Variants in RBFOX1 observed in about 807,000 individuals in gnomAD.
RBFOX1 encodes the protein RNA binding fox-1 homolog 1.
RBFOX1 carries 8 observed loss-of-function variants against 57.7 expected under a neutral mutation model. The observed-to-expected ratio is 0.14, with a 90% confidence interval of 0.08 to 0.25. RBFOX1 has a LOEUF of 0.25. Among genes scored for constraint, RBFOX1 ranks in the 10% least tolerant of loss-of-function variants. RBFOX1 has a pLI of 1.00. For missense variants in RBFOX1, 611 were observed against 548.5 expected, an observed-to-expected ratio of 1.11 and a Z score of -1.14; for synonymous variants, 326 against 222.4, an observed-to-expected ratio of 1.47 and a Z score of -4.15.
At chr16:6,765,733 C>G (rs1236912354) in intron 3 of RBFOX1, among the ~76,000 whole-genome samples, 4 of 152,164 alleles carry the variant, frequency 2.6e-5, no homozygotes, top group African/African-American at 7.2e-5. Context: ...CAGAATCAGC[C>G]TTAGTGCCCA....
intron 3 of RBFOX1, chr16:6,723,794 A>T (rs1458637054): frequency 6.6e-6 from 1 of 151,802 alleles, no homozygotes; most frequent in African/African-American, 2.4e-5. Context: ...ACTTCTGGAG[A>T]GTCTTCCAGC....
chr16:5,674,470 G>A (rs543383705), intron 3 of RBFOX1, among the ~76,000 whole-genome samples: 1 of 152,174 alleles, frequency 6.6e-6, no homozygotes, highest in Non-Finnish European at 1.5e-5. Flanking sequence ...TCTCACGTTT[G>A]ACTCCAGAAT....
At chr16:5,588,702 C>G (rs2046910626) in intron 2 of RBFOX1, among the ~76,000 whole-genome samples, 1 of 152,128 alleles carries the variant, frequency 6.6e-6, no homozygotes, top group South Asian at 2.1e-4. Flanking sequence ...GCATGAACCA[C>G]TTTATATCCA....
intron 3 of RBFOX1, among the ~76,000 whole-genome samples, chr16:6,720,008 C>A (rs1392158949): frequency 6.6e-6 from 1 of 151,874 alleles, no homozygotes; most frequent in Non-Finnish European, 1.5e-5. Flanking sequence ...GCAGGAGAAT[C>A]GCTTGAACCT....
At chr16:6,451,939 C>G (rs746495669) in intron 2 of RBFOX1, among the ~76,000 whole-genome samples, 1 of 146,054 alleles carries the variant, frequency 6.8e-6, no homozygotes, top group South Asian at 2.3e-4. Context: ...CATGACCCCT[C>G]CCTCCCATGA....
chr16:6,962,630 C>T (rs891721803), intron 3 of RBFOX1, among the ~76,000 whole-genome samples: 1 of 152,022 alleles, frequency 6.6e-6, no homozygotes, highest in East Asian at 1.9e-4. Flanking sequence ...TTTGGGAGGC[C>T]GAGGCCGGTA....
chr16:6,434,871 CT>C (rs1567266246), intron 2 of RBFOX1, among the ~76,000 whole-genome samples: 1 of 152,190 alleles, frequency 6.6e-6, no homozygotes, highest in Admixed American at 6.5e-5. Context: ...TGAGTTATTA[CT>C]ATGTGCTAGG....
At chr16:6,916,756 A>G (rs957109462) in intron 3 of RBFOX1, among the ~76,000 whole-genome samples, 1 of 152,042 alleles carries the variant, frequency 6.6e-6, no homozygotes, top group Non-Finnish European at 1.5e-5. Context: ...GCTTTTTTCT[A>G]CCACCCACTT....
chr16:7,371,244 G>A (rs915230268), intron 4 of RBFOX1, among the ~76,000 whole-genome samples: 1 of 152,108 alleles, frequency 6.6e-6, no homozygotes, highest in Non-Finnish European at 1.5e-5. Context: ...GAAGAATCAA[G>A]AAGTAAACAA....
At chr16:5,605,010 C>G (rs1596412193), downstream of RBFOX1, among the ~76,000 whole-genome samples, 2 of 152,328 alleles carry the variant, frequency 1.3e-5, no homozygotes, top group South Asian at 2.1e-4. Flanking sequence ...CTGTTCCCTT[C>G]TCTACAGCCC....
At chr16:7,018,125 G>A (rs1022494222) in intron 3 of RBFOX1, among the ~76,000 whole-genome samples, 1 of 152,088 alleles carries the variant, frequency 6.6e-6, no homozygotes, top group African/African-American at 2.4e-5. Context: ...GTCTTAGGAA[G>A]GGAAGCCCAT....
chr16:6,262,883 A>C (rs1030821564), intron 1 of RBFOX1, among the ~76,000 whole-genome samples: 8 of 152,186 alleles, frequency 5.3e-5, no homozygotes, highest in African/African-American at 1.9e-4. Context: ...ATAACAGATC[A>C]AGGTAAGTAC....
Position 7,650,172 on chromosome 16 carries a change from G to T in RBFOX1, c.758-3643G>T, listed in dbSNP as rs571616600. Among the ~76,000 whole-genome samples, 7 of 152,262 alleles carry T rather than the reference G, an allele frequency of 4.6e-5. No individual in the cohort carries two copies. The East Asian group carries it at 1.4e-3, about 29-fold the overall frequency. On this transcript the variant is annotated intron_variant, in intron 11 of 15. Transcript: ENST00000550418. Reference sequence around the variant, plus strand: ...TGATCGATGAGCATTTTTCTAACTAGAGATTTCACGAAAGGGCCCCTTGGC... The same window carrying T: ...TGATCGATGAGCATTTTTCTAACTATAGATTTCACGAAAGGGCCCCTTGGC...
At chr16:6,639,940 A>T (rs1246491462) in intron 2 of RBFOX1, among the ~76,000 whole-genome samples, 1 of 152,132 alleles carries the variant, frequency 6.6e-6, no homozygotes, top group Non-Finnish European at 1.5e-5. Context: ...AGGTATTTTG[A>T]CCCCTAACTA....
In RBFOX1 at chr16:5,642,731, C is replaced by T. The variant is rs1045929764; in HGVS notation, c.318+43770C>T. On this transcript the variant is annotated intron_variant, in intron 3 of 19. Transcript: ENST00000641259. Reference sequence around the variant, plus strand: ...GGGAGGGGGAGGACTCATGTGCTCCCGGGAGGGGCCTCTCTTCCTTGCCAC... The same window carrying T: ...GGGAGGGGGAGGACTCATGTGCTCCTGGGAGGGGCCTCTCTTCCTTGCCAC... 1.8e-4 allele frequency among the ~76,000 whole-genome samples: 27 copies of T among 152,106 alleles called. 1 individual carries two copies. The highest frequency in any genetic ancestry group is 1.1e-3 in the Admixed American group (17 of 15,278).
At chr16:5,611,237 G>T (rs995115182) in intron 3 of RBFOX1, 2 of 152,218 alleles carry the variant, frequency 1.3e-5, no homozygotes, top group African/African-American at 4.8e-5. Context: ...TTACTCACCT[G>T]TCTGGGTTGG....
intron 1 of RBFOX1, among the ~76,000 whole-genome samples, chr16:5,282,378 T>C (rs2063294601): frequency 6.6e-6 from 1 of 152,246 alleles, no homozygotes; most frequent in Non-Finnish European, 1.5e-5. Flanking sequence ...TGCTAAAAGA[T>C]ACCTGAATAC....
intron 2 of RBFOX1, among the ~76,000 whole-genome samples, chr16:5,517,069 A>G (rs112237077): frequency 0.012 from 1,833 of 151,972 alleles, 33 homozygotes; most frequent in African/African-American, 0.041. Context: ...TAACTATGAA[A>G]TGGCTCTTAG....
chr16:7,228,139 C>A (rs1345108463), intron 4 of RBFOX1, among the ~76,000 whole-genome samples: 1 of 152,080 alleles, frequency 6.6e-6, no homozygotes, highest in Non-Finnish European at 1.5e-5. Context: ...ATGAGAGTAT[C>A]AGACTGTAAG....
Sources: gnomAD v4.1 joint callset for allele counts (sites outside exome capture counted in the v4.1 genomes callset) on GRCh38, gnomAD v4.1.1 for gene constraint, MANE v1.5 for transcripts, NCBI Gene and HGNC (gene_info 2026-07-23, HGNC 2026-07-21) for gene names.